The following FKBP5 variants were observed in gnomAD, a reference collection of about 807,000 sequenced individuals.
FKBP5 encodes the protein peptidyl-prolyl cis-trans isomerase FKBP5.
Under a neutral mutation model 50.5 loss-of-function variants are expected in FKBP5, and 23 were observed. That is an observed-to-expected ratio of 0.46 (90% confidence interval 0.33 to 0.65). The LOEUF is 0.65. Among genes scored for constraint, FKBP5 ranks in the 30% least tolerant of loss-of-function variants. The pLI, the probability that FKBP5 is intolerant of heterozygous loss-of-function variation, is 0.02. For missense variants in FKBP5, 411 were observed against 553.1 expected (o/e 0.74, Z 2.58); for synonymous variants, 176 against 190.6 (o/e 0.92, Z 0.63).
chr6:35,652,360 C>T (rs1764827264), intron 1 of FKBP5, among the ~76,000 whole-genome samples: 2 of 152,220 alleles, frequency 1.3e-5, no homozygotes, highest in Non-Finnish European at 2.9e-5. Flanking sequence ...CGCCGGTGAG[C>T]CGGGCAGAAC....
chr6:35,615,336 T>C (rs1214025626), intron 5 of FKBP5, among the ~76,000 whole-genome samples: 1 of 152,126 alleles, frequency 6.6e-6, no homozygotes, highest in Non-Finnish European at 1.5e-5. Context: ...TCTAAATGCC[T>C]TTCTCCAATA....
At position 35,577,131 on chromosome 6, in the gene FKBP5, C is replaced by T. The variant is rs1024217045; in HGVS notation, c.1129G>A (p.Val377Met). The change falls in exon 10 of 11, where the codon GTG becomes ATG. Residue 377 changes from valine (V) to methionine (M), a missense_variant. Coordinates refer to ENST00000357266, the MANE Select transcript of FKBP5 (RefSeq NM_004117.4). ...FESAKGDFEK[V>M]LEVNPQNKAA... ...TTATTCTGGGGGTTTACTTCCAGCA[C>T]TTTCTCAAAGTCACCCTTGGCTGAC... 1 of 1,614,086 alleles carries T rather than the reference C, an allele frequency of 6.2e-7. No individual in the cohort carries two copies. The highest frequency in any genetic ancestry group is 8.5e-7 in the Non-Finnish European group (1 of 1,180,032).
intron 2 of FKBP5, among the ~76,000 whole-genome samples, chr6:35,706,424 C>CAAAAAAAAAAAAAAAAAAAAAAA (rs71002595): frequency 9.6e-6 from 1 of 103,870 alleles, no homozygotes; most frequent in Non-Finnish European, 2.0e-5. Context: ...AACTCTGTCT[C>CAAAAAAAAAAAAAAAAAAAAAAA]AAAAAAAAAA....
intron 2 of FKBP5, among the ~76,000 whole-genome samples, chr6:35,700,195 C>G (rs954824319): frequency 6.6e-6 from 1 of 152,060 alleles, no homozygotes; most frequent in Non-Finnish European, 1.5e-5. Context: ...CAGTCTCGCT[C>G]TGTCGTCCAG....
At chr6:35,699,420 G>A (rs188141031) in intron 2 of FKBP5, among the ~76,000 whole-genome samples, 1 of 152,180 alleles carries the variant, frequency 6.6e-6, no homozygotes, top group Non-Finnish European at 1.5e-5. Flanking sequence ...ACTAACAATG[G>A]TGTGAATATT....
At chr6:35,672,416 A>G (rs562333282) in intron 1 of FKBP5, among the ~76,000 whole-genome samples, 1 of 152,232 alleles carries the variant, frequency 6.6e-6, no homozygotes, top group African/African-American at 2.4e-5. Flanking sequence ...AGTGTTTAAA[A>G]ATAATAAAGA....
intron 8 of FKBP5, chr6:35,583,688 C>T: frequency 1.1e-6 from 1 of 907,040 alleles, no homozygotes; most frequent in South Asian, 5.1e-5. Flanking sequence ...GCTAAATATT[C>T]TACAATGCAC....
chr6:35,663,317 G>A (rs1167908282), intron 1 of FKBP5, among the ~76,000 whole-genome samples: 3 of 152,212 alleles, frequency 2.0e-5, no homozygotes, highest in Non-Finnish European at 4.4e-5. Context: ...TGGGAAAGAA[G>A]CAGATGATGC....
At chr6:35,627,865 G>C (rs1210343307) in intron 3 of FKBP5, among the ~76,000 whole-genome samples, 1 of 150,674 alleles carries the variant, frequency 6.6e-6, no homozygotes, top group South Asian at 2.1e-4. Context: ...GGGTTCAAGC[G>C]ATTCTCCTGC....
chr6:35,702,134 C>T (rs559041183), intron 2 of FKBP5, among the ~76,000 whole-genome samples: 1 of 152,144 alleles, frequency 6.6e-6, no homozygotes, highest in Non-Finnish European at 1.5e-5. Flanking sequence ...AGGCGTGAGC[C>T]ACCATGCCTG....
At chr6:35,648,283 C>G (rs1444426664) in intron 1 of FKBP5, among the ~76,000 whole-genome samples, 4 of 152,098 alleles carry the variant, frequency 2.6e-5, no homozygotes, top group African/African-American at 9.7e-5. Flanking sequence ...CTTATTGTCT[C>G]TTAAGAGACA....
intron 8 of FKBP5, chr6:35,584,706 A>G (rs1762547842): frequency 2.0e-6 from 2 of 985,356 alleles, no homozygotes; most frequent in Middle Eastern, 5.2e-4. Flanking sequence ...ACATTCTGGG[A>G]GAAAAGTCTC....
intron 2 of FKBP5, among the ~76,000 whole-genome samples, chr6:35,697,663 T>C (rs1766108296): frequency 6.6e-6 from 1 of 152,130 alleles, no homozygotes; most frequent in African/African-American, 2.4e-5. Flanking sequence ...ATGATTACAT[T>C]CATATGGAAT....
At chr6:35,682,914 A>G (rs1052148267) in intron 1 of FKBP5, among the ~76,000 whole-genome samples, 32 of 150,704 alleles carry the variant, frequency 2.1e-4, no homozygotes, top group African/African-American at 6.6e-4. Flanking sequence ...TTAAAAAAAA[A>G]AAAAAAGAAA....
In FKBP5 at chr6:35,641,662, C is replaced by T. The variant is rs565671826; in HGVS notation, c.105+1058G>A. Among the ~76,000 whole-genome samples, 16 of 152,166 alleles carry T rather than the reference C, an allele frequency of 1.1e-4. No homozygotes were observed. The South Asian group carries it at 3.1e-3, about 30-fold the overall frequency. ...AGTAAGATATATTCTAAGAGGAAAT[C>T]GCAAAAGATATCTTCACTGTACACA... On this transcript the variant is annotated intron_variant, in intron 2 of 10. Transcript: ENST00000357266.
chr6:35,586,864 A>ATGAT, intron 8 of FKBP5, 170 bp downstream of exon 8: 1 of 1,442,958 alleles, frequency 6.9e-7, no homozygotes, highest in Non-Finnish European at 9.1e-7. Flanking sequence ...TTTTTTCCAC[A>ATGAT]TGATTGTTTT....
At chr6:35,621,359 A>G (rs1763830771) in intron 3 of FKBP5, among the ~76,000 whole-genome samples, 1 of 152,188 alleles carries the variant, frequency 6.6e-6, no homozygotes, top group South Asian at 2.1e-4. Flanking sequence ...ATGGTGGCTC[A>G]CGCCTGTAAT....
intron 3 of FKBP5, among the ~76,000 whole-genome samples, chr6:35,627,770 CTTTTTTT>C (rs1218210243): frequency 6.6e-6 from 1 of 150,958 alleles, no homozygotes; most frequent in East Asian, 1.9e-4. Flanking sequence ...TTTCTTTTTT[CTTTTTTT>C]TGAGACATAG....
chr6:35,667,584 A>C (rs1765267407), intron 1 of FKBP5, among the ~76,000 whole-genome samples: 1 of 152,250 alleles, frequency 6.6e-6, no homozygotes, highest in South Asian at 2.1e-4. Context: ...TAAACAAATA[A>C]GAAGTAACCT....
Sources: allele counts gnomAD v4.1 joint callset (sites outside exome capture counted in the v4.1 genomes callset), GRCh38; gene constraint gnomAD v4.1.1; transcripts MANE v1.5; gene names NCBI Gene and HGNC (gene_info 2026-07-23, HGNC 2026-07-21).